Variants in LIMK2 observed in about 807,000 individuals in gnomAD.
The protein encoded by LIMK2 is LIM domain kinase 2.
A neutral mutation model predicts 75.7 loss-of-function variants in LIMK2; 35 were observed. The ratio of observed to expected loss-of-function variants is 0.46; its 90% CI spans 0.35 to 0.61. The LOEUF is 0.61. Ranked by LOEUF, LIMK2 falls within the 20% of genes least tolerant of loss-of-function variation. The pLI, the probability that LIMK2 is intolerant of heterozygous loss-of-function variation, is 0.00. For missense variants in LIMK2, 623 were observed against 831.0 expected (o/e 0.75, Z 3.08); for synonymous variants, 301 against 319.2 (o/e 0.94, Z 0.61).
At chr22:31,276,696 G>GACAGC (rs1256334579) in intron 15 of LIMK2, 1 of 1,194,468 alleles carries the variant, frequency 8.4e-7, no homozygotes, top group Non-Finnish European at 1.0e-6. Flanking sequence ...CGCCGTGGCG[G>GACAGC]ACAGCGGCAC....
intron 2 of LIMK2, among the ~76,000 whole-genome samples, chr22:31,226,178 CTTATT>C (rs144244697): frequency 0.021 from 3,013 of 145,974 alleles, 44 homozygotes; most frequent in African/African-American, 0.04. Flanking sequence ...TGTTTGTATT[CTTATT>C]TTATTTTATT....
intron 2 of LIMK2, among the ~76,000 whole-genome samples, chr22:31,246,183 G>GCACACACACACACACAGA (rs2048667799): frequency 7.4e-6 from 1 of 134,994 alleles, no homozygotes; most frequent in Non-Finnish European, 1.6e-5. Flanking sequence ...ACGCACGCAC[G>GCACACACACACACACAGA]CACACACACA....
chr22:31,276,495 G>A (rs1252367377), intron 15 of LIMK2, among the ~76,000 whole-genome samples: 2 of 148,488 alleles, frequency 1.3e-5, no homozygotes, highest in East Asian at 3.9e-4. Context: ...GACAAAGGGC[G>A]GGCGGATCGG....
At position 31,278,530 on chromosome 22, in the gene LIMK2, T is replaced by C. The variant is rs1436071482; in HGVS notation, c.*89T>C. Reference sequence around the variant, plus strand: ...CTGCTGTGAGCAGGGCCGTCCGGGCTTCCTGTGGATTGGCGGAATGTTTAG... The same window carrying C: ...CTGCTGTGAGCAGGGCCGTCCGGGCCTCCTGTGGATTGGCGGAATGTTTAG... On this transcript the variant is annotated 3_prime_UTR_variant, in exon 16 of 16. Transcript: ENST00000331728. 3 of 1,381,434 alleles carry C rather than the reference T, an allele frequency of 2.2e-6. No individual in the cohort carries two copies. Among genetic ancestry groups the C allele is most frequent in the Non-Finnish European group, 2.9e-6 (3 of 1,035,890 alleles). 85.6% of individuals were successfully genotyped at this position (1,381,434 alleles called of 1,614,324 possible). A position where few individuals can be genotyped will look rare whatever the true frequency, so the allele number is the denominator to read the frequency against.
intron 1 of LIMK2, among the ~76,000 whole-genome samples, chr22:31,214,985 C>CG (rs1158207848): frequency 3.3e-5 from 5 of 152,074 alleles, no homozygotes; most frequent in African/African-American, 9.7e-5. Flanking sequence ...TTATTAGAGA[C>CG]GGGGTCTTAC....
chr22:31,231,181 A>G (rs2048524990), intron 2 of LIMK2, among the ~76,000 whole-genome samples: 1 of 152,174 alleles, frequency 6.6e-6, no homozygotes, highest in Non-Finnish European at 1.5e-5. Flanking sequence ...CTTATATAAT[A>G]TGGGGTAAAG....
chr22:31,251,864 G>A (rs3884737), intron 2 of LIMK2, among the ~76,000 whole-genome samples: 3 of 152,086 alleles, frequency 2.0e-5, no homozygotes, highest in Non-Finnish European at 4.4e-5. Flanking sequence ...GTGCTCTCCA[G>A]GTGCCCTCAG....
At chr22:31,252,055 A>G (rs1478727585) in intron 2 of LIMK2, among the ~76,000 whole-genome samples, 4 of 152,182 alleles carry the variant, frequency 2.6e-5, no homozygotes, top group Non-Finnish European at 5.9e-5. Flanking sequence ...CACTGCAATA[A>G]TGACTGGTTC....
At position 31,212,373 on chromosome 22, in the gene LIMK2, C is replaced by T; in HGVS notation, c.-36C>T. ...GAACTGAGGGGAGCTGCTGTGTCCC[C>T]CGCCTCCTCCTCCCCATTTCCGCGC... On this transcript the variant is annotated 5_prime_UTR_variant, in exon 1 of 16. Coordinates refer to ENST00000331728, the MANE Select transcript of LIMK2 (RefSeq NM_005569.4). 1 of 1,334,622 alleles carries T rather than the reference C, an allele frequency of 7.5e-7. No homozygotes were observed. Among genetic ancestry groups the T allele is most frequent in the Non-Finnish European group, 9.7e-7 (1 of 1,033,568 alleles). 82.7% of individuals were successfully genotyped at this position (1,334,622 alleles called of 1,614,324 possible).
chr22:31,261,145 G>A (rs988643985), intron 5 of LIMK2, among the ~76,000 whole-genome samples: 5 of 151,998 alleles, frequency 3.3e-5, no homozygotes, highest in South Asian at 2.1e-4. Flanking sequence ...GCAAGACCCC[G>A]TCTCTGTTTT....
chr22:31,278,208 C>T, intron 15 of LIMK2, 89 bp from the exon 16 acceptor site: 1 of 1,190,532 alleles, frequency 8.4e-7, no homozygotes, highest in Non-Finnish European at 1.2e-6. Flanking sequence ...GTTATACAAC[C>T]AGGAAGTAGC....
chr22:31,276,722 G>A (rs1428401004), intron 15 of LIMK2: 393 of 1,448,224 alleles, frequency 2.7e-4, no homozygotes, highest in Non-Finnish European at 3.5e-4. Flanking sequence ...GGGGCGCGGC[G>A]TTGGCGGCCC....
intron 2 of LIMK2, among the ~76,000 whole-genome samples, chr22:31,232,373 T>A (rs1601407651): frequency 1.3e-5 from 2 of 152,140 alleles, no homozygotes; most frequent in African/African-American, 4.8e-5. Flanking sequence ...CAGTTTCTTA[T>A]CTGTAAAATG....
At chr22:31,276,785 T>C (rs562139586) in intron 15 of LIMK2, 1 of 1,606,578 alleles carries the variant, frequency 6.2e-7, no homozygotes, top group East Asian at 2.2e-5. Context: ...GCATCTACTT[T>C]CAGAGCCCCC....
At chr22:31,232,253 GAAAAAAA>G (rs34104927) in intron 2 of LIMK2, among the ~76,000 whole-genome samples, 7 of 130,344 alleles carry the variant, frequency 5.4e-5, no homozygotes, top group African/African-American at 2.1e-4. Context: ...ACTCCCAGGA[GAAAAAAA>G]AAAAAAAAAC....
At chr22:31,221,742 C>T (rs2048436490) in intron 1 of LIMK2, among the ~76,000 whole-genome samples, 2 of 152,146 alleles carry the variant, frequency 1.3e-5, no homozygotes, top group African/African-American at 4.8e-5. Context: ...CTCAGCCTCC[C>T]AAAGTGCTGG....
chr22:31,238,301 A>G (rs2048596910), intron 2 of LIMK2, among the ~76,000 whole-genome samples: 1 of 152,142 alleles, frequency 6.6e-6, no homozygotes, highest in African/African-American at 2.4e-5. Flanking sequence ...CACTGCCAGG[A>G]TGAAATTTCT....
intron 15 of LIMK2, among the ~76,000 whole-genome samples, chr22:31,276,452 T>TCGGCGG (rs148659786): frequency 3.4e-5 from 5 of 147,144 alleles, no homozygotes; most frequent in Non-Finnish European, 6.0e-5. Context: ...AGAAAGCGCT[T>TCGGCGG]CGGCGGCGGC....
chr22:31,228,849 G>A (rs2048500791), intron 2 of LIMK2, among the ~76,000 whole-genome samples: 1 of 152,072 alleles, frequency 6.6e-6, no homozygotes, highest in Admixed American at 6.6e-5. Flanking sequence ...AAGCTGAGGA[G>A]CGATGATTAC....
Sources: gnomAD v4.1 joint callset for allele counts (sites outside exome capture counted in the v4.1 genomes callset) on GRCh38, gnomAD v4.1.1 for gene constraint, MANE v1.5 for transcripts, NCBI Gene and HGNC (gene_info 2026-07-23, HGNC 2026-07-21) for gene names.